Variants in WDFY4 observed in about 807,000 individuals in gnomAD.
WDFY4 encodes WDFY family member 4.
Under a neutral mutation model 351.9 loss-of-function variants are expected in WDFY4, and 169 were observed. The ratio of observed to expected loss-of-function variants is 0.48; its 90% confidence interval spans 0.42 to 0.55. WDFY4 has a LOEUF of 0.55. Ranked by LOEUF, WDFY4 falls within the 20% of genes least tolerant of loss-of-function variation. The pLI is 0.00. For missense variants in WDFY4, 3,803 were observed against 3,935.6 expected (o/e 0.97, Z 0.90); for synonymous variants, 1,622 against 1,574.6 (o/e 1.03, Z -0.71).
intron 24 of WDFY4, chr10:48,802,592 G>T: frequency 2.4e-6 from 1 of 418,378 alleles, no homozygotes; most frequent in Middle Eastern, 6.1e-4. Flanking sequence ...AATAAGACAT[G>T]ATGGCATCCA....
intron 24 of WDFY4, among the ~76,000 whole-genome samples, chr10:48,801,996 A>G (rs1031133658): frequency 2.6e-5 from 4 of 151,610 alleles, no homozygotes; most frequent in African/African-American, 9.7e-5. Flanking sequence ...ATTGACTTTG[A>G]AAACAGTCTC....
Position 48,974,527 on chromosome 10 carries a change from A to AAAAAAAAAAAAAAAAC in WDFY4, c.8929-333_8929-332insAAAAAAAAAAAAACAA. On this transcript the variant is annotated intron_variant, in intron 57 of 61. Coordinates refer to ENST00000325239, the MANE Select transcript of WDFY4 (RefSeq NM_001394531.1). ...CAAAAAAAAAAAAAAAAAAAAAAAA[A>AAAAAAAAAAAAAAAAC]AACAACTCATGACATGAACTGCTCC... Among the ~76,000 whole-genome samples the AAAAAAAAAAAAAAAAC allele has an allele frequency of 6.1e-4, 14 of 23,140 alleles. 2 individuals carry two copies. Among genetic ancestry groups the AAAAAAAAAAAAAAAAC allele is most frequent in the African/African-American group, 1.0e-3 (14 of 13,744 alleles). The allele number at this position is 23,140 out of a possible 152,430, so 15.2% of individuals were successfully genotyped here.
intron 47 of WDFY4, among the ~76,000 whole-genome samples, chr10:48,911,482 CACAAG>C (rs1837999605): frequency 6.6e-6 from 1 of 152,164 alleles, no homozygotes; most frequent in Admixed American, 6.5e-5. Flanking sequence ...AGGCTCTCAT[CACAAG>C]ACTATTCCCA....
Position 48,820,932 on chromosome 10 carries a change from G to C in WDFY4, c.5710-130G>C, listed in dbSNP as rs1020180914. The stretch of plus-strand genomic sequence containing the variant: ...ACAGAGGGTGGGCCCCCAGAGAAGG[G>C]AAAATTGTGAGCAGCCCACACTGCT... On this transcript the variant is annotated intron_variant, in intron 33 of 61. Coordinates refer to ENST00000325239, the MANE Select transcript of WDFY4 (RefSeq NM_001394531.1). 3 of 667,652 alleles carry C rather than the reference G, an allele frequency of 4.5e-6. No individual in the cohort carries two copies. In the African/African-American group the frequency reaches 5.3e-5, roughly 12 times the overall value. The allele number at this position is 667,652 out of a possible 1,614,324, so 41.4% of individuals were successfully genotyped here. A position where few individuals can be genotyped will look rare whatever the true frequency, so the allele number is the denominator to read the frequency against.
intron 43 of WDFY4, among the ~76,000 whole-genome samples, chr10:48,885,099 A>G (rs1410904269): frequency 6.6e-6 from 1 of 152,078 alleles, no homozygotes. Context: ...CTGGTGCCCA[A>G]CGGTCGGTTT....
intron 12 of WDFY4, among the ~76,000 whole-genome samples, chr10:48,751,481 G>T (rs1273413222): frequency 6.6e-6 from 1 of 152,174 alleles, no homozygotes; most frequent in African/African-American, 2.4e-5. Flanking sequence ...GCAGTAGCTT[G>T]AACAGGAGAA....
chr10:48,800,774 C>G (rs2132835203), intron 24 of WDFY4, among the ~76,000 whole-genome samples: 1 of 142,338 alleles, frequency 7.0e-6, no homozygotes, highest in Non-Finnish European at 1.5e-5. Context: ...ACTCTGTTGC[C>G]CAGGCTGGAG....
intron 36 of WDFY4, among the ~76,000 whole-genome samples, chr10:48,828,061 A>C (rs1176712131): frequency 6.6e-6 from 1 of 152,162 alleles, no homozygotes; most frequent in Non-Finnish European, 1.5e-5. Flanking sequence ...GGGCATTCTC[A>C]TATGTCAGGT....
At chr10:48,817,560 C>A in intron 32 of WDFY4, 151 bp downstream of exon 32, 1 of 603,142 alleles carries the variant, frequency 1.7e-6, no homozygotes, top group Non-Finnish European at 2.1e-6. Context: ...CTTGGATAAC[C>A]ATCCTTTTTT....
intron 49 of WDFY4, 46 bp downstream of exon 49, chr10:48,943,495 C>G: frequency 6.5e-7 from 1 of 1,537,156 alleles, no homozygotes; most frequent in Non-Finnish European, 8.8e-7. Flanking sequence ...GGTGTTCGGA[C>G]GTTGATAACA....
Position 48,687,196 on chromosome 10 carries a change from G to A in WDFY4, c.-18+2195G>A, listed in dbSNP as rs568563678. ...TCACATTTTTTGGCCATTTCTCATC[G>A]GGTTACCTGTCTTTTATCCTATTGA... On this transcript the variant is annotated intron_variant, in intron 1 of 61. Coordinates refer to ENST00000325239, the MANE Select transcript of WDFY4 (RefSeq NM_001394531.1). 3.4e-4 allele frequency among the ~76,000 whole-genome samples: 52 copies of A among 152,018 alleles called. 1 individual carries two copies. The highest frequency in any genetic ancestry group is 3.4e-4 in the Non-Finnish European group (23 of 67,984).
intron 48 of WDFY4, among the ~76,000 whole-genome samples, chr10:48,943,004 C>G (rs1332519299): frequency 6.6e-6 from 1 of 152,208 alleles, no homozygotes; most frequent in African/African-American, 2.4e-5. Context: ...TCACCCACAG[C>G]ATTTGTGCTA....
Position 48,900,288 on chromosome 10 carries a change from G to T in WDFY4, c.7505G>T (p.Arg2502Leu), listed in dbSNP as rs189771297. ...SKFLVFYNND[R>L]SKAFKSFCSF... ...TTTCTTGTCTTCTACAACAATGATC[G>T]GAGTAAGGCCTTTAAAAGGTAAGAG... The change falls in exon 46 of 62, where the codon CGG becomes CTG. Residue 2502 changes from arginine (R) to leucine (L), a missense_variant. Arg to Leu is a moderately radical substitution (Grantham distance 102, BLOSUM62 -2). Around this residue, in one of 3 missense-constraint regions of WDFY4, gnomAD observed 3,054 missense variants for 3,148.6 expected, o/e 0.97. Transcript: ENST00000325239. 24 of 1,551,346 alleles carry T rather than the reference G, an allele frequency of 1.5e-5. No homozygotes were observed. The highest frequency in any genetic ancestry group is 2.0e-5 in the Non-Finnish European group (23 of 1,146,868).
At chr10:48,897,143 A>C (rs1837120493) in intron 44 of WDFY4, among the ~76,000 whole-genome samples, 1 of 152,100 alleles carries the variant, frequency 6.6e-6, no homozygotes, top group Admixed American at 6.5e-5. Flanking sequence ...CTTTGTCAGC[A>C]TCATCCTGGA....
chr10:48,783,217 G>C (rs1007700222), intron 19 of WDFY4, among the ~76,000 whole-genome samples: 1 of 152,072 alleles, frequency 6.6e-6, no homozygotes, highest in Non-Finnish European at 1.5e-5. Context: ...AAATAAAATG[G>C]TGTAGTATTT....
intron 51 of WDFY4, among the ~76,000 whole-genome samples, chr10:48,951,760 G>T (rs910640883): frequency 1.3e-5 from 2 of 152,170 alleles, no homozygotes; most frequent in African/African-American, 4.8e-5. Context: ...TCACTAGGAG[G>T]TCAGGCCCCT....
At chr10:48,780,425 G>C (rs111693934) in intron 19 of WDFY4, among the ~76,000 whole-genome samples, 1,683 of 152,328 alleles carry the variant, frequency 0.011, 16 homozygotes, top group South Asian at 0.023. Context: ...ACAAAGCAAA[G>C]CTTCTCATTT....
chr10:48,692,642 A>G (rs545944865), intron 1 of WDFY4, among the ~76,000 whole-genome samples: 1 of 152,326 alleles, frequency 6.6e-6, no homozygotes, highest in South Asian at 2.1e-4. Flanking sequence ...TGGGAGCCGC[A>G]GTTGTTATAG....
chr10:48,876,212 A>G (rs888196712), intron 42 of WDFY4, among the ~76,000 whole-genome samples: 3 of 152,334 alleles, frequency 2.0e-5, no homozygotes, highest in East Asian at 3.9e-4. Context: ...GGGGAAAGCT[A>G]TGAGGGTTTG....
Sources: allele counts gnomAD v4.1 joint callset (sites outside exome capture counted in the v4.1 genomes callset), GRCh38; gene constraint gnomAD v4.1.1; regional missense constraint gnomAD v4.1.1; transcripts MANE v1.5; gene names NCBI Gene and HGNC (gene_info 2026-07-23, HGNC 2026-07-21).